Variants in MEMO1 observed in about 807,000 individuals in gnomAD.
The protein encoded by MEMO1 is protein MEMO1.
MEMO1 carries 6 observed loss-of-function variants against 45.2 expected under a neutral mutation model. That is an observed-to-expected ratio of 0.13 (90% CI 0.07 to 0.26). The LOEUF (loss-of-function observed/expected upper bound fraction) is 0.26, where lower values mean the gene tolerates loss of function less well. Among genes scored for constraint, MEMO1 ranks in the 10% least tolerant of loss-of-function variants. The probability of loss-of-function intolerance (pLI) is 1.00; values close to 1 mark genes in which losing one functional copy is unlikely to be tolerated. For missense variants in MEMO1, 184 were observed against 370.5 expected, an observed-to-expected ratio of 0.50 and a Z score of 4.13; for synonymous variants, 78 against 124.3, an observed-to-expected ratio of 0.63 and a Z score of 2.48.
At chr2:31,878,301 C>T in intron 8 of MEMO1, among the ~76,000 whole-genome samples, 1 of 152,144 alleles carries the variant, frequency 6.6e-6, no homozygotes, top group East Asian at 1.9e-4. Flanking sequence ...TGTCTACCCA[C>T]TGTAAAGACA....
At chr2:31,995,374 A>C (rs1033265494) in intron 2 of MEMO1, among the ~76,000 whole-genome samples, 1 of 152,156 alleles carries the variant, frequency 6.6e-6, no homozygotes, top group African/African-American at 2.4e-5. Flanking sequence ...ACATCGCTTG[A>C]ACCTGGGAGG....
At chr2:32,005,626 T>C (rs1320480327) in intron 2 of MEMO1, among the ~76,000 whole-genome samples, 7 of 152,128 alleles carry the variant, frequency 4.6e-5, no homozygotes, top group Non-Finnish European at 1.0e-4. Context: ...GCTTCATCTA[T>C]ACCATGATCA....
At chr2:31,924,368 C>A (rs1264359815) in intron 4 of MEMO1, among the ~76,000 whole-genome samples, 5 of 151,780 alleles carry the variant, frequency 3.3e-5, no homozygotes, top group African/African-American at 1.2e-4. Flanking sequence ...ACTTTCTCTT[C>A]CTTTATTTGA....
intron 6 of MEMO1, among the ~76,000 whole-genome samples, chr2:31,900,291 C>G (rs1678583392): frequency 6.6e-6 from 1 of 152,136 alleles, no homozygotes; most frequent in Non-Finnish European, 1.5e-5. Flanking sequence ...AAATGTCCAT[C>G]AATGATAGAC....
At chr2:32,010,745 C>T (rs1172505696) in intron 1 of MEMO1, among the ~76,000 whole-genome samples, 197 bp downstream of exon 1, 2 of 151,042 alleles carry the variant, frequency 1.3e-5, no homozygotes, top group Non-Finnish European at 3.0e-5. Flanking sequence ...CCCGGCCGCC[C>T]GCCGCCGGCC....
intron 4 of MEMO1, among the ~76,000 whole-genome samples, chr2:31,928,071 A>T (rs1230494135): frequency 6.6e-6 from 1 of 152,230 alleles, no homozygotes; most frequent in Non-Finnish European, 1.5e-5. Context: ...ATAAACTTTT[A>T]AAATAAATAT....
At chr2:32,009,655 G>C (rs541397709) in intron 2 of MEMO1, among the ~76,000 whole-genome samples, 19 of 152,248 alleles carry the variant, frequency 1.2e-4, no homozygotes, top group African/African-American at 4.6e-4. Context: ...ACTCCCTCTG[G>C]GCGAGGGCAC....
intron 2 of MEMO1, among the ~76,000 whole-genome samples, chr2:31,944,646 A>G (rs1348419571): frequency 6.6e-6 from 1 of 152,124 alleles, no homozygotes; most frequent in African/African-American, 2.4e-5. Flanking sequence ...TCCCATAACT[A>G]TTATAGGTCT....
intron 2 of MEMO1, among the ~76,000 whole-genome samples, chr2:31,966,732 C>CAAAAAAAAAAAAAAAAAA (rs758359349): frequency 1.3e-4 from 15 of 117,838 alleles, no homozygotes; most frequent in Admixed American, 3.0e-4. Context: ...GACTCTGTCT[C>CAAAAAAAAAAAAAAAAAA]AAAAAAAAAA....
At chr2:31,872,309 A>G (rs974164618) in intron 8 of MEMO1, among the ~76,000 whole-genome samples, 2 of 152,148 alleles carry the variant, frequency 1.3e-5, no homozygotes, top group African/African-American at 4.8e-5. Flanking sequence ...CATACTAACA[A>G]TTCTTTGAAC....
chr2:31,987,620 C>T (rs1671428475), intron 2 of MEMO1, among the ~76,000 whole-genome samples: 1 of 152,134 alleles, frequency 6.6e-6, no homozygotes, highest in African/African-American at 2.4e-5. Flanking sequence ...AGCATTTGGC[C>T]AGCTCCTGCC....
At chr2:31,878,118 T>C (rs1235986174) in intron 8 of MEMO1, among the ~76,000 whole-genome samples, 1 of 152,028 alleles carries the variant, frequency 6.6e-6, no homozygotes, top group Non-Finnish European at 1.5e-5. Flanking sequence ...AAGGCCCCAG[T>C]GAGAAGGTGA....
intron 4 of MEMO1, among the ~76,000 whole-genome samples, chr2:31,923,352 G>A (rs572520878): frequency 1.1e-4 from 16 of 151,988 alleles, no homozygotes; most frequent in Admixed American, 7.9e-4. Flanking sequence ...CCTTATAGAC[G>A]ACAGAATCTT....
intron 2 of MEMO1, among the ~76,000 whole-genome samples, chr2:31,945,767 C>T (rs775755782): frequency 9.9e-5 from 15 of 152,172 alleles, no homozygotes; most frequent in Non-Finnish European, 1.6e-4. Flanking sequence ...TGTAAAATTA[C>T]ATCCTGTCAT....
intron 7 of MEMO1, among the ~76,000 whole-genome samples, chr2:31,884,101 A>G (rs898809713): frequency 7.9e-5 from 12 of 152,082 alleles, no homozygotes; most frequent in Admixed American, 5.2e-4. Context: ...TAAAATCTCA[A>G]TAAGATTATA....
In MEMO1 at chr2:31,919,949, C is replaced by CGTGTGTGTGT. The variant is rs61002743; in HGVS notation, c.325+839_325+848dup. 1.0e-4 allele frequency among the ~76,000 whole-genome samples: 15 copies of CGTGTGTGTGT among 145,310 alleles called. 1 individual carries two copies. The South Asian group carries it at 3.3e-3, about 32-fold the overall frequency. ...ACATGCACATGCACACACACATACA[C>CGTGTGTGTGT]GTGTGTGTGTGTGTGTGTGTGTGTG... On this transcript the variant is annotated intron_variant, in intron 5 of 9. Coordinates refer to ENST00000404530, the MANE Select transcript of MEMO1 (RefSeq NM_001301833.4).
chr2:31,953,272 C>T (rs540970120), intron 2 of MEMO1, among the ~76,000 whole-genome samples: 7 of 144,346 alleles, frequency 4.8e-5, no homozygotes, highest in African/African-American at 1.3e-4. Flanking sequence ...GAGGCTGAGG[C>T]GGGAGAATCG....
At position 32,001,383 on chromosome 2, in the gene MEMO1, A is replaced by C. The variant is rs143710957; in HGVS notation, c.61+8804T>G. 4.5e-3 allele frequency among the ~76,000 whole-genome samples: 681 copies of C among 152,216 alleles called. 7 individuals carry two copies. The highest frequency in any genetic ancestry group is 0.032 in the Admixed American group (487 of 15,274). On this transcript the variant is annotated intron_variant, in intron 2 of 9. Transcript: ENST00000404530. ...TACGTCCAATTCAAATGTTAGGACTAGCCTAATTAAAATATACCAATTATT... is the reference window on the plus strand; with the variant it reads ...TACGTCCAATTCAAATGTTAGGACTCGCCTAATTAAAATATACCAATTATT...
At chr2:31,948,525 T>C (rs1316874329) in intron 2 of MEMO1, among the ~76,000 whole-genome samples, 1 of 152,238 alleles carries the variant, frequency 6.6e-6, no homozygotes, top group Non-Finnish European at 1.5e-5. Context: ...TGATCTATCG[T>C]GAGAAATCTA....
Sources: allele counts gnomAD v4.1 joint callset (sites outside exome capture counted in the v4.1 genomes callset), GRCh38; gene constraint gnomAD v4.1.1; transcripts MANE v1.5; gene names NCBI Gene and HGNC (gene_info 2026-07-23, HGNC 2026-07-21).